The following GIT2 variants were observed in gnomAD, a reference collection of about 807,000 sequenced individuals.
The protein encoded by GIT2 is GIT ArfGAP 2.
GIT2 carries 32 observed loss-of-function variants against 100.3 expected under a neutral mutation model. The ratio of observed to expected loss-of-function variants is 0.32; its 90% CI spans 0.24 to 0.43. GIT2 has a LOEUF of 0.43. Ranked by LOEUF, GIT2 falls within the 20% of genes least tolerant of loss-of-function variation. GIT2 has a pLI of 1.00. For missense variants in GIT2, 737 were observed against 975.1 expected (o/e 0.76, Z 3.25); for synonymous variants, 353 against 364.1 (o/e 0.97, Z 0.35).
chr12:109,941,857 ACT>A (rs1372204686), intron 16 of GIT2, among the ~76,000 whole-genome samples: 2 of 148,148 alleles, frequency 1.3e-5, no homozygotes, highest in East Asian at 2.0e-4. Flanking sequence ...ACAGGGTCTC[ACT>A]CTGTCGCCTA....
chr12:109,989,037 A>T lies in GIT2; in HGVS notation c.331T>A (p.Tyr111Asn). Reference sequence around the variant, plus strand: ...CGATGGACGAACGCTAACATCTGATACTTGGCTCTGATGAATTCCGCTTTA... The same window carrying T: ...CGATGGACGAACGCTAACATCTGATTCTTGGCTCTGATGAATTCCGCTTTA... ...PNKAEFIRAKYQMLAFVHRLP... is the reference protein window; with the variant it reads ...PNKAEFIRAKNQMLAFVHRLP... The change falls in exon 4 of 20, where the codon TAT becomes AAT. Residue 111 changes from tyrosine (Y) to asparagine (N), a missense_variant. Physicochemically the swap from Tyr to Asn is moderately radical, Grantham distance 143. This residue lies in a region of GIT2 where 266 missense variants were observed against 376.2 expected (regional missense o/e 0.71). Transcript: ENST00000355312. 1 of 1,611,922 alleles carries T rather than the reference A, an allele frequency of 6.2e-7. No homozygotes were observed. Among genetic ancestry groups the T allele is most frequent in the Non-Finnish European group, 8.5e-7 (1 of 1,177,988 alleles).
chr12:109,975,886 C>T (rs1884920011), intron 7 of GIT2, among the ~76,000 whole-genome samples: 1 of 151,230 alleles, frequency 6.6e-6, no homozygotes, highest in African/African-American at 2.4e-5. Context: ...ATTCTCCTGC[C>T]TCACCCTCCC....
At chr12:109,943,483 C>T (rs868116638) in intron 16 of GIT2, among the ~76,000 whole-genome samples, 3 of 151,740 alleles carry the variant, frequency 2.0e-5, no homozygotes, top group Non-Finnish European at 4.4e-5. Context: ...TACAGGCATG[C>T]GCCACCACCC....
chr12:109,994,075 C>CAAAAAAAAAAA (rs34393850), intron 1 of GIT2, among the ~76,000 whole-genome samples: 2 of 59,692 alleles, frequency 3.4e-5, no homozygotes, highest in Non-Finnish European at 3.7e-5. Flanking sequence ...ACACTAATGG[C>CAAAAAAAAAAA]AAAAAAAAAA....
At chr12:109,943,678 T>G (rs1003940704) in intron 16 of GIT2, among the ~76,000 whole-genome samples, 8 of 150,906 alleles carry the variant, frequency 5.3e-5, no homozygotes, top group African/African-American at 2.0e-4. Flanking sequence ...TTTTTTTTTT[T>G]AGTACAGTAA....
rs777357659 is a variant in GIT2 at position 109,933,298 on chromosome 12, C to T, written c.2068-108G>A. 1.5e-6 allele frequency: 1 copy of T among 676,004 alleles called. No individual in the cohort carries two copies. The highest frequency in any genetic ancestry group is 2.6e-6 in the Non-Finnish European group (1 of 383,708). 41.9% of individuals were successfully genotyped at this position (676,004 alleles called of 1,614,324 possible). A position where few individuals can be genotyped will look rare whatever the true frequency, so the allele number is the denominator to read the frequency against. On this transcript the variant is annotated intron_variant, in intron 19 of 19. Transcript: ENST00000355312. The surrounding 1 kb of genome is among the most constrained non-coding windows in gnomAD (Gnocchi z 4.5). ...CCAAGCTGCTCCCCAGAGTGAAAGG[C>T]GGTTTGGTCCTGCCCTTTCTCAAAG...
rs1453967664 is a variant in GIT2 at position 109,933,548 on chromosome 12, C to T, written c.2068-358G>A. On this transcript the variant is annotated intron_variant, in intron 19 of 19. Coordinates refer to ENST00000355312, the MANE Select transcript of GIT2 (RefSeq NM_057169.5). This position sits in a 1 kb window ranked among gnomAD's most constrained non-coding sequence, Gnocchi z 4.5. The stretch of plus-strand genomic sequence containing the variant: ...GTATATCCTTGTCTTATTAAATCAA[C>T]ATTCATGCAGAACAAAAATATTTCA... 1.3e-5 allele frequency: 3 copies of T among 227,632 alleles called. No homozygotes were observed. In the East Asian group the frequency reaches 3.0e-4, roughly 23 times the overall value. 14.1% of individuals were successfully genotyped at this position (227,632 alleles called of 1,614,324 possible). A position where few individuals can be genotyped will look rare whatever the true frequency, so the allele number is the denominator to read the frequency against.
rs1408819067 is a variant in GIT2, at chr12:109,934,104, A to C, written c.2004-19T>G. ...AATATAACTGCAAGAATATTGAAGA[A>C]GTTATTCAATGACAGTAAAAATGAT... is the stretch of plus-strand genomic sequence containing the variant. On this transcript the variant is annotated intron_variant, in intron 18 of 19. Transcript: ENST00000355312. This position sits in a 1 kb window ranked among gnomAD's most constrained non-coding sequence, Gnocchi z 4.5. The C allele has an allele frequency of 2.2e-6, 3 of 1,373,224 alleles. No individual in the cohort carries two copies. Among genetic ancestry groups the C allele is most frequent in the East Asian group, 4.6e-5 (2 of 43,712 alleles). The allele number at this position is 1,373,224 out of a possible 1,614,324, so 85.1% of individuals were successfully genotyped here.
intron 11 of GIT2, 51 bp downstream of exon 11, chr12:109,961,226 AT>A: frequency 1.0e-6 from 1 of 982,400 alleles, no homozygotes; most frequent in Non-Finnish European, 1.6e-6. Context: ...AAAATGAAAC[AT>A]GACATCAGCC....
At chr12:109,963,549 C>T (rs1037311402) in intron 9 of GIT2, among the ~76,000 whole-genome samples, 1 of 152,174 alleles carries the variant, frequency 6.6e-6, no homozygotes, top group Non-Finnish European at 1.5e-5. Flanking sequence ...AGTAGCTTGC[C>T]TAAAGTCACA....
chr12:109,999,349 G>A (rs887710763), upstream of GIT2: 17 of 158,380 alleles, frequency 1.1e-4, no homozygotes, highest in South Asian at 4.1e-4. This position sits in a 1 kb window ranked among gnomAD's most constrained non-coding sequence, Gnocchi z 4.3. Context: ...CCCCGGACCC[G>A]GTGCCCAAGG....
chr12:109,946,873 CTCCAAGAAGGCAACACT>C (rs1876492371), intron 15 of GIT2, among the ~76,000 whole-genome samples: 1 of 152,156 alleles, frequency 6.6e-6, no homozygotes, highest in South Asian at 2.1e-4. Context: ...CCCTGTCTAG[CTCCAAGAAGGCAACACT>C]TCCTTCTGAG....
At position 109,929,877 on chromosome 12, in the gene GIT2, CAAT is replaced by C. The variant is rs1871347210; in HGVS notation, c.*3098_*3100del. ...ACGATTTTACAACACTTAAAGGGCA[CAAT>C]AATTACAGGAATAGAATGTACAATA... On this transcript the variant is annotated 3_prime_UTR_variant, in exon 20 of 20. Coordinates refer to ENST00000355312, the MANE Select transcript of GIT2 (RefSeq NM_057169.5). 1 of 152,384 alleles carries C rather than the reference CAAT, an allele frequency of 6.6e-6. No homozygotes were observed. The highest frequency in any genetic ancestry group is 1.5e-5 in the Non-Finnish European group (1 of 67,998). 9.4% of individuals were successfully genotyped at this position (152,384 alleles called of 1,614,324 possible).
chr12:109,944,492 T>C (rs1875719337), intron 16 of GIT2, among the ~76,000 whole-genome samples: 1 of 152,240 alleles, frequency 6.6e-6, no homozygotes, highest in African/African-American at 2.4e-5. Context: ...TATTTTTTAA[T>C]TGACAGTGCC....
intron 1 of GIT2, 42 bp downstream of exon 1, chr12:109,996,131 C>A: frequency 7.5e-7 from 1 of 1,340,716 alleles, no homozygotes; most frequent in Non-Finnish European, 1.0e-6. Context: ...GGGGTCCGGG[C>A]CAGGAAAGCA....
upstream of GIT2, chr12:109,999,758 C>A (rs1183137546): frequency 3.9e-6 from 6 of 1,531,164 alleles, no homozygotes; most frequent in Non-Finnish European, 4.4e-6. The surrounding 1 kb of genome is among the most constrained non-coding windows in gnomAD (Gnocchi z 4.3). Flanking sequence ...CGACTACCGG[C>A]AGCTCGAGAA....
In GIT2 at chr12:109,948,947, CTAAA is replaced by C. The variant is rs775990254; in HGVS notation, c.1393-1447_1393-1444del. 1.3e-6 allele frequency: 1 copy of C among 758,574 alleles called. No individual in the cohort carries two copies. Among genetic ancestry groups the C allele is most frequent in the Non-Finnish European group, 2.2e-6 (1 of 460,088 alleles). The allele number at this position is 758,574 out of a possible 1,614,324, so 47.0% of individuals were successfully genotyped here. A position where few individuals can be genotyped will look rare whatever the true frequency, so the allele number is the denominator to read the frequency against. ...TTGAAATATAATCAATACATCTTTG[CTAAA>C]TAAACAAATTCCATATACTTTATAT... On this transcript the variant is annotated intron_variant, in intron 14 of 19. Coordinates refer to ENST00000355312, the MANE Select transcript of GIT2 (RefSeq NM_057169.5). This position sits in a 1 kb window ranked among gnomAD's most constrained non-coding sequence, Gnocchi z 4.3.
intron 7 of GIT2, among the ~76,000 whole-genome samples, chr12:109,970,170 A>C (rs927339647): frequency 6.6e-6 from 1 of 152,062 alleles, no homozygotes; most frequent in Admixed American, 6.6e-5. Context: ...TTTCCTGCAC[A>C]TGGATGTCCG....
intron 10 of GIT2, 101 bp downstream of exon 10, chr12:109,961,512 C>A (rs1881090474): frequency 4.2e-6 from 4 of 941,192 alleles, no homozygotes; most frequent in South Asian, 1.3e-5. Flanking sequence ...ACACTCGCAC[C>A]ATCAGGACAG....
Sources: allele counts gnomAD v4.1 joint callset (sites outside exome capture counted in the v4.1 genomes callset), GRCh38; gene constraint gnomAD v4.1.1; regional missense constraint gnomAD v4.1.1; non-coding constraint Gnocchi (gnomAD v3.1); transcripts MANE v1.5; gene names NCBI Gene and HGNC (gene_info 2026-07-23, HGNC 2026-07-21).